Variants in PLEKHG5 observed in about 807,000 individuals in gnomAD.
The protein encoded by PLEKHG5 is pleckstrin homology domain-containing family G member 5.
A neutral mutation model predicts 103.8 loss-of-function variants in PLEKHG5; 52 were observed. The ratio of observed to expected loss-of-function variants is 0.50; its 90% confidence interval spans 0.40 to 0.63. The LOEUF (loss-of-function observed/expected upper bound fraction) is 0.63. Ranked by LOEUF, PLEKHG5 falls within the 30% of genes least tolerant of loss-of-function variation. The pLI is 0.00. For missense variants in PLEKHG5, 1,205 were observed against 1,347.6 expected, an observed-to-expected ratio of 0.89 and a Z score of 1.66; for synonymous variants, 592 against 575.5, an observed-to-expected ratio of 1.03 and a Z score of -0.41.
At chr1:6,494,734 C>T (rs1645198707), upstream of PLEKHG5, among the ~76,000 whole-genome samples, 1 of 152,226 alleles carries the variant, frequency 6.6e-6, no homozygotes, top group African/African-American at 2.4e-5. Context: ...CTCCAGGATG[C>T]CCTCCCTGAC....
chr1:6,506,360 C>T (rs1027151130), intron 1 of PLEKHG5, among the ~76,000 whole-genome samples: 35 of 152,158 alleles, frequency 2.3e-4, no homozygotes, highest in East Asian at 1.9e-4. Flanking sequence ...GCCAGGGCCC[C>T]GGCCCCACAC....
intron 1 of PLEKHG5, chr1:6,485,318 C>T: frequency 7.1e-7 from 1 of 1,414,634 alleles, no homozygotes; most frequent in South Asian, 1.5e-5. Context: ...CGTCCCGGCC[C>T]CGTACCTGGC....
chr1:6,468,047 C>A lies in PLEKHG5; in HGVS notation c.2789G>T (p.Arg930Leu), dbSNP rs376237905. ...ACCGCTGCCAGGGCTAGGGGCCCCT[C>A]GGCAATCCCAGCTGGGCCCAGCTTC... ...PQEAGPSWDC[R>L]GAPSPGSGPG... The change falls in exon 20 of 21, where the codon CGA becomes CTA. Residue 930 changes from arginine to leucine, a missense_variant. Physicochemically the swap from Arg to Leu is moderately radical, Grantham distance 102 (BLOSUM62 -2). Transcript: ENST00000377728. The A allele has an allele frequency of 8.3e-6, 13 of 1,562,632 alleles. No individual in the cohort carries two copies. The South Asian group carries it at 1.4e-4, about 17-fold the overall frequency.
At position 6,473,061 on chromosome 1, in the gene PLEKHG5, G is replaced by C; in HGVS notation, c.909C>G (p.Tyr303Ter). The stretch of plus-strand genomic sequence containing the variant: ...CATTGTCCTCATCCTCGTCTTCATC[G>C]TACTCCTCCTCCCAGGAGTCATGGT... ...RFDHDSWEEEYDEDEDEDNAC... is the reference protein window; with the variant it reads ...RFDHDSWEEE The change falls in exon 9 of 21, where the codon TAC (tyrosine) becomes TAG (stop). Residue 303 changes from tyrosine to a stop codon, truncating the protein, a stop_gained. Coordinates refer to ENST00000377728, the MANE Select transcript of PLEKHG5 (RefSeq NM_020631.6). LOFTEE classifies it high-confidence loss of function. 6.2e-7 allele frequency: 1 copy of C among 1,613,880 alleles called. No homozygotes were observed. Among genetic ancestry groups the C allele is most frequent in the Non-Finnish European group, 8.5e-7 (1 of 1,179,854 alleles).
chr1:6,473,213 A>G (rs773142543), intron 8 of PLEKHG5, 38 bp downstream of exon 8: 4 of 1,612,514 alleles, frequency 2.5e-6, no homozygotes, highest in Non-Finnish European at 3.4e-6. Context: ...GGTCATGGCC[A>G]GCCAGCTGCC....
rs1396388675 is a variant in PLEKHG5 at position 6,501,986 on chromosome 1, GC to G, written c.-164-5418del. 6.6e-6 allele frequency among the ~76,000 whole-genome samples: 1 copy of G among 152,204 alleles called. No homozygotes were observed. The highest frequency in any genetic ancestry group is 1.5e-5 in the Non-Finnish European group (1 of 68,030). ...ACCTCCCAACCACAGGCCTGGCCAT[GC>G]AAAGGCTGCCCCTCTCAGGAAGCAG... On this transcript the variant is annotated intron_variant, in intron 1 of 21. Transcript: ENST00000377740. This position sits in a 1 kb window ranked among gnomAD's most constrained non-coding sequence, Gnocchi z 4.3.
intron 1 of PLEKHG5, among the ~76,000 whole-genome samples, chr1:6,509,764 G>A (rs766481053): frequency 1.8e-4 from 27 of 152,214 alleles, no homozygotes; most frequent in Non-Finnish European, 2.9e-4. Context: ...GACACTTCCC[G>A]ATTCCACATC....
At chr1:6,475,825 A>G in intron 3 of PLEKHG5, 106 bp downstream of exon 3, 2 of 984,874 alleles carry the variant, frequency 2.0e-6, no homozygotes, top group East Asian at 4.8e-5. Flanking sequence ...TCTGCCCATC[A>G]GCCTTACTTG....
rs1424953278 is a variant in PLEKHG5, at chr1:6,505,364, G to T, written c.-164-8795C>A. 6.6e-6 allele frequency among the ~76,000 whole-genome samples: 1 copy of T among 151,836 alleles called. No homozygotes were observed. The highest frequency in any genetic ancestry group is 2.4e-5 in the African/African-American group (1 of 41,304). On this transcript the variant is annotated intron_variant, in intron 1 of 21. Transcript: ENST00000377740. This position sits in a 1 kb window ranked among gnomAD's most constrained non-coding sequence, Gnocchi z 4.2. ...TGGGCATCCGACAGCCAGCACAGGT[G>T]CGCCCTGCCTCTGCCACCGCTGTTT...
intron 1 of PLEKHG5, among the ~76,000 whole-genome samples, chr1:6,484,936 T>C (rs1644990095): frequency 6.6e-6 from 1 of 152,060 alleles, no homozygotes. Context: ...ACACAAGGGC[T>C]GGGGCCAGAG....
chr1:6,508,494 C>A (rs1638392488), intron 1 of PLEKHG5, among the ~76,000 whole-genome samples: 1 of 152,224 alleles, frequency 6.6e-6, no homozygotes, highest in Admixed American at 6.5e-5. Context: ...AGGGGAGGCC[C>A]CCCCAGGCCA....
chr1:6,478,032 C>T (rs1181464027), intron 1 of PLEKHG5, among the ~76,000 whole-genome samples: 1 of 152,156 alleles, frequency 6.6e-6, no homozygotes, highest in Non-Finnish European at 1.5e-5. Context: ...AGGCGCACAC[C>T]ACCATGCCCA....
chr1:6,491,646 G>A lies in PLEKHG5; in HGVS notation c.-97C>T, dbSNP rs1476774761. The stretch of plus-strand genomic sequence containing the variant: ...CTCTCCCATTACTCACATCCTGCCC[G>A]TCCCTTCTCCATGGGGGCCTCAGGT... On this transcript the variant is annotated 5_prime_UTR_variant, in exon 1 of 21. It adds an upstream start codon to the 5' untranslated region. Coordinates refer to ENST00000377728, the MANE Select transcript of PLEKHG5 (RefSeq NM_020631.6). The surrounding 1 kb of genome is among the most constrained non-coding windows in gnomAD (Gnocchi z 4.1). 1.5e-5 allele frequency: 15 copies of A among 984,862 alleles called. No individual in the cohort carries two copies. The highest frequency in any genetic ancestry group is 1.8e-5 in the African/African-American group (1 of 57,122). The allele number at this position is 984,862 out of a possible 1,614,324, so 61.0% of individuals were successfully genotyped here.
upstream of PLEKHG5, among the ~76,000 whole-genome samples, chr1:6,495,451 T>A (rs1645211156): frequency 6.6e-6 from 1 of 152,138 alleles, no homozygotes; most frequent in African/African-American, 2.4e-5. Context: ...CATTTTACAT[T>A]TCCTGCAGCT....
chr1:6,480,948 A>G (rs954591794), intron 1 of PLEKHG5, among the ~76,000 whole-genome samples: 6 of 152,106 alleles, frequency 3.9e-5, no homozygotes, highest in African/African-American at 1.2e-4. Context: ...CCACCATATC[A>G]GCTTGGGGTC....
upstream of PLEKHG5, chr1:6,497,431 CGGGCGGGGCAGGT>C (rs1238510369): frequency 1.0e-5 from 8 of 772,810 alleles, no homozygotes; most frequent in Non-Finnish European, 1.3e-5. This position sits in a 1 kb window ranked among gnomAD's most constrained non-coding sequence, Gnocchi z 6.1. Flanking sequence ...GCACGGGAGG[CGGGCGGGGCAGGT>C]GGGCGGGGAG....
upstream of PLEKHG5, chr1:6,496,963 T>C: frequency 6.5e-7 from 1 of 1,529,522 alleles, no homozygotes; most frequent in Non-Finnish European, 8.7e-7. Flanking sequence ...CCTTACGCCC[T>C]GCATCGCTCC....
rs1338462821 is a variant in PLEKHG5 at position 6,475,142 on chromosome 1, G to C, written c.211-4C>G. ...TGAAGCATTCCTTGCTTGGGTCCTG[G>C]GAGGATGGTGGGGGTGGGGGCTGTG... On this transcript the variant is annotated splice_polypyrimidine_tract_variant and splice_region_variant and intron_variant, in intron 4 of 20. Coordinates refer to ENST00000377728, the MANE Select transcript of PLEKHG5 (RefSeq NM_020631.6). The C allele has an allele frequency of 1.3e-6, 2 of 1,561,344 alleles. No homozygotes were observed. Among genetic ancestry groups the C allele is most frequent in the African/African-American group, 2.7e-5 (2 of 73,668 alleles).
chr1:6,492,936 C>G (rs1350237016), upstream of PLEKHG5, among the ~76,000 whole-genome samples: 1 of 143,348 alleles, frequency 7.0e-6, no homozygotes, highest in Non-Finnish European at 1.5e-5. Flanking sequence ...CCCCTGGCCT[C>G]GCTTGCCCCT....
Sources: allele counts gnomAD v4.1 joint callset (sites outside exome capture counted in the v4.1 genomes callset), GRCh38; gene constraint gnomAD v4.1.1; non-coding constraint Gnocchi (gnomAD v3.1); transcripts MANE v1.5; gene names NCBI Gene and HGNC (gene_info 2026-07-23, HGNC 2026-07-21).